IKZF2: variants seen among roughly 807,000 people sequenced by gnomAD.
IKZF2 encodes the protein zinc finger protein Helios.
IKZF2 carries 15 observed loss-of-function variants against 49.2 expected under a neutral mutation model. The observed-to-expected ratio is 0.30, with a 90% CI of 0.20 to 0.47. The LOEUF (loss-of-function observed/expected upper bound fraction) is 0.47. Among genes scored for constraint, IKZF2 ranks in the 20% least tolerant of loss-of-function variants. IKZF2 has a pLI of 1.00. For missense variants in IKZF2, 567 were observed against 664.6 expected, an observed-to-expected ratio of 0.85 and a Z score of 1.61; for synonymous variants, 227 against 221.4, an observed-to-expected ratio of 1.03 and a Z score of -0.23.
intron 4 of IKZF2, among the ~76,000 whole-genome samples, chr2:213,079,788 A>G (rs1385701327): frequency 6.6e-6 from 1 of 152,116 alleles, no homozygotes; most frequent in Non-Finnish European, 1.5e-5. Flanking sequence ...CCAAAGTGCT[A>G]CCCACCTTAA....
Position 213,011,788 on chromosome 2 carries a change from A to AG in IKZF2, c.856+2002_856+2003insC, listed in dbSNP as rs201148430. On this transcript the variant is annotated intron_variant, in intron 8 of 8. Transcript: ENST00000434687. ...CTCATCAGCCTGTGGAATTTTCTCC[A>AG]AAAGTACCAGATGTGCAGGCTGGGG... 1.8e-3 allele frequency among the ~76,000 whole-genome samples: 162 copies of AG among 91,470 alleles called. 1 individual carries two copies. Among genetic ancestry groups the AG allele is most frequent in the African/African-American group, 5.7e-3 (155 of 26,958 alleles). The allele number at this position is 91,470 out of a possible 152,430, so 60.0% of individuals were successfully genotyped here.
At chr2:213,086,868 AATC>A (rs1233597186) in intron 4 of IKZF2, among the ~76,000 whole-genome samples, 24 of 152,118 alleles carry the variant, frequency 1.6e-4, no homozygotes, top group Non-Finnish European at 2.6e-4. Flanking sequence ...GATGGAATGG[AATC>A]TAACGTTATA....
chr2:213,027,615 G>T (rs750764018), intron 6 of IKZF2, among the ~76,000 whole-genome samples: 2 of 151,698 alleles, frequency 1.3e-5, no homozygotes, highest in Non-Finnish European at 2.9e-5. Context: ...ACTTTCCTTT[G>T]TCCCCCTCAT....
chr2:213,022,983 AAG>A (rs1697387358), intron 6 of IKZF2, among the ~76,000 whole-genome samples: 1 of 152,198 alleles, frequency 6.6e-6, no homozygotes, highest in African/African-American at 2.4e-5. Flanking sequence ...TCTCTATGGA[AAG>A]AAGCATGTTT....
At chr2:213,068,645 A>C (rs1702379542) in intron 4 of IKZF2, among the ~76,000 whole-genome samples, 2 of 152,104 alleles carry the variant, frequency 1.3e-5, no homozygotes, top group Admixed American at 1.3e-4. Context: ...TCTACCTTTT[A>C]GATCACATAT....
intron 4 of IKZF2, among the ~76,000 whole-genome samples, chr2:213,121,869 C>G (rs2060068807): frequency 6.6e-6 from 1 of 152,206 alleles, no homozygotes; most frequent in African/African-American, 2.4e-5. Flanking sequence ...GAAGTGTCAA[C>G]AGATGCACAA....
chr2:213,111,076 T>G, intron 4 of IKZF2, among the ~76,000 whole-genome samples: 1 of 152,030 alleles, frequency 6.6e-6, no homozygotes, highest in East Asian at 1.9e-4. Context: ...GTTGTTTACC[T>G]TTTGGTTTTA....
intron 4 of IKZF2, among the ~76,000 whole-genome samples, chr2:213,103,532 T>C (rs2059419969): frequency 6.6e-6 from 1 of 152,170 alleles, no homozygotes; most frequent in African/African-American, 2.4e-5. Flanking sequence ...AAGTGATAAA[T>C]AGCCTTTTTT....
chr2:213,045,264 T>G (rs757019309), intron 6 of IKZF2, among the ~76,000 whole-genome samples: 3 of 152,242 alleles, frequency 2.0e-5, no homozygotes, highest in Non-Finnish European at 4.4e-5. Context: ...TGATGCAGAC[T>G]TAATCATTTC....
chr2:213,002,655 G>A lies in IKZF2; in HGVS notation c.*4705C>T, dbSNP rs1445816303. 1.3e-5 allele frequency: 2 copies of A among 151,786 alleles called. No homozygotes were observed. Among genetic ancestry groups the A allele is most frequent in the Non-Finnish European group, 3.0e-5 (2 of 67,508 alleles). 9.4% of individuals were successfully genotyped at this position (151,786 alleles called of 1,614,324 possible). ...ATTTGAGATTATGCTTTGGAGAATAGCAATGTGATATGACTGTTCAGTTTT... is the reference window on the plus strand; with the variant it reads ...ATTTGAGATTATGCTTTGGAGAATAACAATGTGATATGACTGTTCAGTTTT... On this transcript the variant is annotated 3_prime_UTR_variant, in exon 9 of 9. Transcript: ENST00000434687.
intron 4 of IKZF2, among the ~76,000 whole-genome samples, chr2:213,128,310 G>T (rs1340479564): frequency 6.6e-6 from 1 of 152,076 alleles, no homozygotes; most frequent in Admixed American, 6.5e-5. Flanking sequence ...CTATGCAATT[G>T]TTACATTTAT....
In IKZF2 at chr2:213,002,982, T is replaced by C. The variant is rs1448909900; in HGVS notation, c.*4378A>G. On this transcript the variant is annotated 3_prime_UTR_variant, in exon 9 of 9. Coordinates refer to ENST00000434687, the MANE Select transcript of IKZF2 (RefSeq NM_001387220.1). Reference sequence around the variant, plus strand: ...CTTGTAATCATATTCAGAAATACTATGAAACTAAAAAGGTAGTAAAGTCTA... The same window carrying C: ...CTTGTAATCATATTCAGAAATACTACGAAACTAAAAAGGTAGTAAAGTCTA... 1.3e-5 allele frequency: 2 copies of C among 151,992 alleles called. No individual in the cohort carries two copies. Among genetic ancestry groups the C allele is most frequent in the East Asian group, 3.9e-4 (2 of 5,182 alleles). The allele number at this position is 151,992 out of a possible 1,614,324, so 9.4% of individuals were successfully genotyped here.
chr2:213,034,282 T>G (rs1251310841), intron 6 of IKZF2, among the ~76,000 whole-genome samples: 1 of 152,262 alleles, frequency 6.6e-6, no homozygotes, highest in African/African-American at 2.4e-5. Context: ...TTATCACTTG[T>G]GTGTTCACTG....
chr2:213,139,268 G>A (rs2060787282), intron 4 of IKZF2, among the ~76,000 whole-genome samples: 3 of 151,932 alleles, frequency 2.0e-5, no homozygotes, highest in African/African-American at 4.8e-5. Flanking sequence ...AAGTATTTTG[G>A]TTGAACTAGG....
intron 4 of IKZF2, among the ~76,000 whole-genome samples, chr2:213,070,581 T>TAG (rs1488469907): frequency 6.6e-6 from 1 of 152,092 alleles, no homozygotes; most frequent in African/African-American, 2.4e-5. Flanking sequence ...TACCAATTTA[T>TAG]AGAGTACAGT....
chr2:213,035,305 TA>T (rs1698906729), intron 6 of IKZF2, among the ~76,000 whole-genome samples: 1 of 152,170 alleles, frequency 6.6e-6, no homozygotes, highest in Admixed American at 6.5e-5. Context: ...TATGATTTTT[TA>T]ACTGATTCTT....
At position 213,003,880 on chromosome 2, in the gene IKZF2, T is replaced by C. The variant is rs1695106259; in HGVS notation, c.*3480A>G. 1 of 151,858 alleles carries C rather than the reference T, an allele frequency of 6.6e-6. No homozygotes were observed. Among genetic ancestry groups the C allele is most frequent in the Admixed American group, 6.6e-5 (1 of 15,212 alleles). The allele number at this position is 151,858 out of a possible 1,614,324, so 9.4% of individuals were successfully genotyped here. A position where few individuals can be genotyped will look rare whatever the true frequency, so the allele number is the denominator to read the frequency against. On this transcript the variant is annotated 3_prime_UTR_variant, in exon 9 of 9. Transcript: ENST00000434687. ...ATTTTCTTCGTATTCCAAAAAACTT[T>C]ACATTAAATATCTTTGAATGTATAT...
chr2:213,146,619 T>C (rs1438018143), intron 4 of IKZF2, among the ~76,000 whole-genome samples: 1 of 151,996 alleles, frequency 6.6e-6, no homozygotes, highest in African/African-American at 2.4e-5. Context: ...ATTACTAAGC[T>C]TGCAGTTTTA....
intron 8 of IKZF2, among the ~76,000 whole-genome samples, chr2:213,011,314 A>T (rs971376870): frequency 2.6e-5 from 4 of 152,018 alleles, no homozygotes; most frequent in Non-Finnish European, 4.4e-5. Flanking sequence ...AATTATGAGA[A>T]TTTATTGCAT....
Sources: gnomAD v4.1 joint callset for allele counts (sites outside exome capture counted in the v4.1 genomes callset) on GRCh38, gnomAD v4.1.1 for gene constraint, MANE v1.5 for transcripts, NCBI Gene and HGNC (gene_info 2026-07-23, HGNC 2026-07-21) for gene names.